Variants in SEMA3E observed in about 807,000 individuals in gnomAD.
The protein encoded by SEMA3E is semaphorin 3E.
Under a neutral mutation model 93.6 loss-of-function variants are expected in SEMA3E, and 49 were observed. The ratio of observed to expected loss-of-function variants is 0.52; its 90% CI spans 0.42 to 0.66. The LOEUF (loss-of-function observed/expected upper bound fraction) is 0.66. Ranked by LOEUF, SEMA3E falls within the 30% of genes least tolerant of loss-of-function variation. The pLI, the probability that SEMA3E is intolerant of heterozygous loss-of-function variation, is 0.00. For synonymous variants in SEMA3E, 363 were observed against 330.7 expected (o/e 1.10, Z -1.06); for missense variants, 906 against 964.8 (o/e 0.94, Z 0.81).
chr7:83,474,454 T>C (rs1198154463), intron 2 of SEMA3E, among the ~76,000 whole-genome samples: 1 of 152,258 alleles, frequency 6.6e-6, no homozygotes, highest in African/African-American at 2.4e-5. Context: ...TCATGTGTTC[T>C]TTAATTTTCA....
At chr7:83,506,044 T>C (rs1790699845) in intron 1 of SEMA3E, among the ~76,000 whole-genome samples, 1 of 145,052 alleles carries the variant, frequency 6.9e-6, no homozygotes, top group African/African-American at 2.5e-5. Context: ...TATATATATA[T>C]ATATATATAT....
intron 1 of SEMA3E, among the ~76,000 whole-genome samples, chr7:83,609,986 C>T (rs1793217492): frequency 6.6e-6 from 1 of 151,794 alleles, no homozygotes; most frequent in African/African-American, 2.4e-5. Flanking sequence ...AAATACAGTA[C>T]AATGAACTGC....
intron 5 of SEMA3E, among the ~76,000 whole-genome samples, chr7:83,411,183 T>G (rs1004071542): frequency 6.6e-6 from 1 of 152,072 alleles, no homozygotes; most frequent in African/African-American, 2.4e-5. Context: ...AGCCACTAGG[T>G]GGCAGCCCTA....
intron 1 of SEMA3E, among the ~76,000 whole-genome samples, chr7:83,580,105 A>G (rs954708280): frequency 6.6e-6 from 1 of 152,078 alleles, no homozygotes; most frequent in African/African-American, 2.4e-5. Flanking sequence ...ACCGACAACT[A>G]TCTGAACTTT....
chr7:83,451,498 T>G (rs1406788768), intron 4 of SEMA3E, among the ~76,000 whole-genome samples: 2 of 152,218 alleles, frequency 1.3e-5, no homozygotes, highest in Non-Finnish European at 2.9e-5. Context: ...CATTCCATAG[T>G]TATTTACTAC....
chr7:83,472,729 T>C (rs1359009462), intron 2 of SEMA3E, among the ~76,000 whole-genome samples: 4 of 152,356 alleles, frequency 2.6e-5, no homozygotes, highest in African/African-American at 7.2e-5. Flanking sequence ...GGTTAGGCTA[T>C]GTGTCCCCAC....
At chr7:83,641,117 A>G (rs1296598168) in intron 1 of SEMA3E, among the ~76,000 whole-genome samples, 1 of 152,208 alleles carries the variant, frequency 6.6e-6, no homozygotes, top group East Asian at 1.9e-4. Context: ...AGAAAGCCCC[A>G]GCCTTTTCTC....
Position 83,648,679 on chromosome 7 carries a change from C to T in SEMA3E, c.-137G>A, listed in dbSNP as rs549368221. The T allele has an allele frequency of 1.4e-5, 10 of 723,040 alleles. No homozygotes were observed. The highest frequency in any genetic ancestry group is 1.1e-4 in the East Asian group (4 of 37,086). 44.8% of individuals were successfully genotyped at this position (723,040 alleles called of 1,614,324 possible). A position where few individuals can be genotyped will look rare whatever the true frequency, so the allele number is the denominator to read the frequency against. On this transcript the variant is annotated 5_prime_UTR_variant, in exon 1 of 17. Coordinates refer to ENST00000643230, the MANE Select transcript of SEMA3E (RefSeq NM_012431.3). Reference sequence around the variant, plus strand: ...GCGTTGTCATCAGAAAGCACAGTTCCGAAGTGCCATTTGTCAGGCTGTATT... The same window carrying T: ...GCGTTGTCATCAGAAAGCACAGTTCTGAAGTGCCATTTGTCAGGCTGTATT...
At chr7:83,386,882 C>T in intron 15 of SEMA3E, 101 bp downstream of exon 15, 1 of 1,041,110 alleles carries the variant, frequency 9.6e-7, no homozygotes, top group Non-Finnish European at 1.5e-6. Flanking sequence ...TTCTAGTATA[C>T]ATGAATCACA....
chr7:83,597,443 G>A, intron 1 of SEMA3E, among the ~76,000 whole-genome samples: 1 of 152,152 alleles, frequency 6.6e-6, no homozygotes, highest in South Asian at 2.1e-4. Context: ...TTCTAGTAAG[G>A]CTTCAATCAA....
intron 1 of SEMA3E, among the ~76,000 whole-genome samples, chr7:83,571,099 AAAG>A (rs1020751186): frequency 6.6e-6 from 1 of 151,826 alleles, no homozygotes; most frequent in African/African-American, 2.4e-5. Flanking sequence ...GAAAGAAAGA[AAAG>A]AAAAAATCCT....
In SEMA3E at chr7:83,391,625, G is replaced by A. The variant is rs114677098; in HGVS notation, c.1667+930C>T. 4.2e-3 allele frequency among the ~76,000 whole-genome samples: 646 copies of A among 152,048 alleles called. 9 individuals carry two copies. Among genetic ancestry groups the A allele is most frequent in the African/African-American group, 0.015 (619 of 41,516 alleles). ...ATTTTTTTAAAATACTCACTGGAGT[G>A]TTAATTTTGCTCAAGTAAAATTAAC... On this transcript the variant is annotated intron_variant, in intron 14 of 16. Transcript: ENST00000643230.
chr7:83,518,100 T>A (rs1366033091), intron 1 of SEMA3E, among the ~76,000 whole-genome samples: 3 of 150,986 alleles, frequency 2.0e-5, no homozygotes, highest in Non-Finnish European at 4.4e-5. Context: ...AAGTCCCTGC[T>A]TTTCTTCATG....
chr7:83,521,567 A>G (rs1355061842), intron 1 of SEMA3E, among the ~76,000 whole-genome samples: 3 of 152,190 alleles, frequency 2.0e-5, no homozygotes, highest in Non-Finnish European at 2.9e-5. Flanking sequence ...ACAAAATACC[A>G]TAAACTGGGT....
chr7:83,436,564 G>A (rs1030949679), intron 4 of SEMA3E, among the ~76,000 whole-genome samples: 2 of 151,828 alleles, frequency 1.3e-5, no homozygotes, highest in African/African-American at 4.8e-5. Context: ...GAGAATCAGA[G>A]GAAGGAATGC....
chr7:83,442,064 T>G (rs553264476), intron 4 of SEMA3E, among the ~76,000 whole-genome samples: 1 of 152,312 alleles, frequency 6.6e-6, no homozygotes, highest in South Asian at 2.1e-4. Flanking sequence ...AAATGTAGAA[T>G]GTACATACAT....
At chr7:83,506,477 G>A (rs1242466485) in intron 1 of SEMA3E, among the ~76,000 whole-genome samples, 1 of 151,606 alleles carries the variant, frequency 6.6e-6, no homozygotes, top group Non-Finnish European at 1.5e-5. Flanking sequence ...AGGGAATCGG[G>A]GGCTTATGGT....
intron 1 of SEMA3E, among the ~76,000 whole-genome samples, chr7:83,499,339 A>G (rs1790551436): frequency 1.3e-5 from 2 of 152,214 alleles, no homozygotes; most frequent in African/African-American, 4.8e-5. Context: ...AAATTCCCTG[A>G]CTATATGCAA....
At chr7:83,454,032 G>A (rs1221363162) in intron 4 of SEMA3E, among the ~76,000 whole-genome samples, 1 of 151,542 alleles carries the variant, frequency 6.6e-6, no homozygotes, top group African/African-American at 2.4e-5. Context: ...GCCGAGGCGG[G>A]TGGATCACGA....
Sources: allele counts gnomAD v4.1 joint callset (sites outside exome capture counted in the v4.1 genomes callset), GRCh38; gene constraint gnomAD v4.1.1; transcripts MANE v1.5; gene names NCBI Gene and HGNC (gene_info 2026-07-23, HGNC 2026-07-21).